Variants in AVL9 observed in about 807,000 individuals in gnomAD.
The protein encoded by AVL9 is AVL9 cell migration associated.
In AVL9, 49 loss-of-function variants were observed where a neutral mutation model predicts 79.2. The observed-to-expected ratio is 0.62, with a 90% CI of 0.49 to 0.79. The LOEUF (loss-of-function observed/expected upper bound fraction) is 0.79, where lower values mean the gene tolerates loss of function less well. Ranked by LOEUF, AVL9 falls within the 30% of genes least tolerant of loss-of-function variation. The pLI is 0.00. For missense variants in AVL9, 682 were observed against 776.8 expected (o/e 0.88, Z 1.45); for synonymous variants, 299 against 280.6 (o/e 1.07, Z -0.65).
chr7:32,569,284 T>A, intron 10 of AVL9, among the ~76,000 whole-genome samples: 1 of 152,242 alleles, frequency 6.6e-6, no homozygotes, highest in South Asian at 2.1e-4. Flanking sequence ...CCATTCTGAT[T>A]TAGAATCTTT....
In AVL9 at chr7:32,571,824, C is replaced by T. The variant is rs566812501; in HGVS notation, c.1351-1375C>T. On this transcript the variant is annotated intron_variant, in intron 11 of 15. Coordinates refer to ENST00000318709, the MANE Select transcript of AVL9 (RefSeq NM_015060.3). ...TATTATACTTCAAAACTAACCTGTACGTTACATGTATTTTTTAGTATATCA... is the reference window on the plus strand; with the variant it reads ...TATTATACTTCAAAACTAACCTGTATGTTACATGTATTTTTTAGTATATCA... Among the ~76,000 whole-genome samples the T allele has an allele frequency of 3.4e-4, 51 of 151,864 alleles. 1 individual carries two copies. The highest frequency in any genetic ancestry group is 7.9e-4 in the Admixed American group (12 of 15,248).
intron 1 of AVL9, among the ~76,000 whole-genome samples, chr7:32,519,872 C>G (rs148018348): frequency 6.6e-6 from 1 of 152,160 alleles, no homozygotes; most frequent in African/African-American, 2.4e-5. Context: ...AGGAAACTTA[C>G]AATCATAGCA....
Position 32,579,495 on chromosome 7 carries a change from ATAT to A in AVL9, c.1689-720_1689-718del, listed in dbSNP as rs1791330846. Among the ~76,000 whole-genome samples the A allele has an allele frequency of 9.9e-4, 4 of 4,048 alleles. 1 individual carries two copies. Among genetic ancestry groups the A allele is most frequent in the African/African-American group, 7.4e-3 (4 of 544 alleles). 2.7% of individuals were successfully genotyped at this position (4,048 alleles called of 152,430 possible). On this transcript the variant is annotated intron_variant, in intron 13 of 15. Coordinates refer to ENST00000318709, the MANE Select transcript of AVL9 (RefSeq NM_015060.3). ...TATTATATTATATATAATATATTAC[ATAT>A]TATATATTATATATTATATTATATA...
At chr7:32,563,030 TTG>T (rs1790395324) in intron 10 of AVL9, among the ~76,000 whole-genome samples, 1 of 152,148 alleles carries the variant, frequency 6.6e-6, no homozygotes, top group African/African-American at 2.4e-5. Context: ...ATGGTTTTTG[TTG>T]TGTTTTGTTT....
intron 10 of AVL9, among the ~76,000 whole-genome samples, chr7:32,566,314 C>A (rs1277071328): frequency 2.0e-5 from 3 of 148,726 alleles, no homozygotes; most frequent in Non-Finnish European, 4.5e-5. Flanking sequence ...GTAGCTGGGA[C>A]TACAGGCACC....
At position 32,584,719 on chromosome 7, in the gene AVL9, T is replaced by G. The variant is rs1187058823; in HGVS notation, c.*812T>G. The G allele has an allele frequency of 6.7e-6, 1 of 148,972 alleles. No individual in the cohort carries two copies. Among genetic ancestry groups the G allele is most frequent in the African/African-American group, 2.5e-5 (1 of 40,262 alleles). 9.2% of individuals were successfully genotyped at this position (148,972 alleles called of 1,614,324 possible). A position where few individuals can be genotyped will look rare whatever the true frequency, so the allele number is the denominator to read the frequency against. ...TTCAACCGCAGTCATGTTGCAGTCT[T>G]ACAAGCACTTTTTTTTTATTCCAGA... On this transcript the variant is annotated 3_prime_UTR_variant, in exon 16 of 16. Transcript: ENST00000318709.
At chr7:32,537,569 TCTC>T (rs944911777) in intron 1 of AVL9, 2 of 150,378 alleles carry the variant, frequency 1.3e-5, no homozygotes, top group African/African-American at 4.9e-5. Flanking sequence ...TTCAAGTGAT[TCTC>T]CTGCCTCAGC....
At chr7:32,541,287 T>C (rs948734221) in intron 1 of AVL9, among the ~76,000 whole-genome samples, 1 of 152,090 alleles carries the variant, frequency 6.6e-6, no homozygotes, top group Non-Finnish European at 1.5e-5. Context: ...AGAATTGGGG[T>C]ACATAATGTT....
chr7:32,518,630 G>A (rs1017772138), intron 1 of AVL9, among the ~76,000 whole-genome samples: 1 of 152,106 alleles, frequency 6.6e-6, no homozygotes, highest in Admixed American at 6.5e-5. Flanking sequence ...AGAAAAATAT[G>A]TGAGAAAGAG....
At position 32,499,005 on chromosome 7, in the gene AVL9, A is replaced by C. The variant is rs1371126012; in HGVS notation, c.93+3203A>C. Among the ~76,000 whole-genome samples the C allele has an allele frequency of 6.9e-5, 2 of 28,936 alleles. 1 individual carries two copies. The highest frequency in any genetic ancestry group is 1.3e-4 in the Non-Finnish European group (2 of 15,484). 19.0% of individuals were successfully genotyped at this position (28,936 alleles called of 152,430 possible). A position where few individuals can be genotyped will look rare whatever the true frequency, so the allele number is the denominator to read the frequency against. ...ACGGTGAAACCCCGCCTCTACTAAA[A>C]ATACAAAATTAGCTGCGCGTGGTGG... On this transcript the variant is annotated intron_variant, in intron 1 of 15. Coordinates refer to ENST00000318709, the MANE Select transcript of AVL9 (RefSeq NM_015060.3).
intron 1 of AVL9, among the ~76,000 whole-genome samples, chr7:32,523,819 C>T (rs1269127556): frequency 2.6e-5 from 4 of 150,978 alleles, no homozygotes; most frequent in African/African-American, 9.7e-5. Context: ...CTGCAAGCTC[C>T]GCCTCCTGGG....
At chr7:32,515,076 A>G (rs898590794) in intron 1 of AVL9, among the ~76,000 whole-genome samples, 9 of 152,200 alleles carry the variant, frequency 5.9e-5, no homozygotes, top group African/African-American at 1.9e-4. Context: ...CACAGTAACA[A>G]TCTGATCTCT....
chr7:32,539,525 TA>T (rs1311307045), intron 1 of AVL9, among the ~76,000 whole-genome samples: 1 of 152,178 alleles, frequency 6.6e-6, no homozygotes. Flanking sequence ...TCCGGGAACA[TA>T]ACACAGCAGA....
At chr7:32,564,250 A>C (rs1313753579) in intron 10 of AVL9, among the ~76,000 whole-genome samples, 1 of 152,212 alleles carries the variant, frequency 6.6e-6, no homozygotes, top group Non-Finnish European at 1.5e-5. Context: ...ACATCCCTAT[A>C]AAATATTTGT....
rs369807626 is a variant in AVL9 at position 32,570,174 on chromosome 7, T to G, written c.1350+20T>G. ...GTGGAAGTACGTTTATGTGTGAGTG[T>G]GTGTATTTGGCCCTGCTCATCCCAG... On this transcript the variant is annotated intron_variant, in intron 11 of 15. Coordinates refer to ENST00000318709, the MANE Select transcript of AVL9 (RefSeq NM_015060.3). The G allele has an allele frequency of 6.2e-6, 10 of 1,613,770 alleles. No individual in the cohort carries two copies. The highest frequency in any genetic ancestry group is 2.7e-5 in the African/African-American group (2 of 74,930).
chr7:32,528,030 T>A (rs149541317), intron 1 of AVL9, among the ~76,000 whole-genome samples: 1 of 152,264 alleles, frequency 6.6e-6, no homozygotes, highest in African/African-American at 2.4e-5. Flanking sequence ...TAAAGCCTGA[T>A]ACTTGGAGGC....
intron 2 of AVL9, among the ~76,000 whole-genome samples, chr7:32,543,818 C>T (rs1022372877): frequency 5.3e-5 from 8 of 152,166 alleles, no homozygotes; most frequent in African/African-American, 1.9e-4. Context: ...CTTTGCCTGA[C>T]TTAATGAAGG....
intron 14 of AVL9, 59 bp from the exon 15 acceptor site, chr7:32,580,743 G>A (rs932808712): frequency 3.7e-5 from 43 of 1,159,650 alleles, no homozygotes; most frequent in South Asian, 2.4e-4. Flanking sequence ...GTCTGTGTGC[G>A]TGTGTGAGAT....
chr7:32,539,183 AGAGGTTGCGGTGAGCC>A (rs1194900654), intron 1 of AVL9: 11 of 152,262 alleles, frequency 7.2e-5, no homozygotes, highest in Non-Finnish European at 1.3e-4. Context: ...CCCGAGAGGC[AGAGGTTGCGGTGAGCC>A]GAGATTGTGC....
Sources: allele counts gnomAD v4.1 joint callset (sites outside exome capture counted in the v4.1 genomes callset), GRCh38; gene constraint gnomAD v4.1.1; transcripts MANE v1.5; gene names NCBI Gene and HGNC (gene_info 2026-07-23, HGNC 2026-07-21).